GRIA1: variants seen among roughly 807,000 people sequenced by gnomAD.
GRIA1 encodes the protein glutamate ionotropic receptor AMPA type subunit 1, also known as glutamate receptor 1.
Under a neutral mutation model 99.2 loss-of-function variants are expected in GRIA1, and 31 were observed. That is an observed-to-expected ratio of 0.31 (90% confidence interval 0.23 to 0.42). The LOEUF (loss-of-function observed/expected upper bound fraction) is 0.42, where lower values mean the gene tolerates loss of function less well. Ranked by LOEUF, GRIA1 falls within the 10% of genes least tolerant of loss-of-function variation. GRIA1 has a pLI of 1.00. For missense variants in GRIA1, 782 were observed against 1,157.5 expected (o/e 0.68, Z 4.71); for synonymous variants, 438 against 432.4 (o/e 1.01, Z -0.16).
intron 2 of GRIA1, among the ~76,000 whole-genome samples, chr5:153,545,692 C>T (rs556455680): frequency 3.5e-4 from 54 of 152,196 alleles, no homozygotes; most frequent in African/African-American, 1.2e-3. Context: ...ATTTTGTGAG[C>T]CATACGGTCT....
intron 2 of GRIA1, among the ~76,000 whole-genome samples, chr5:153,645,875 G>C (rs957591849): frequency 6.6e-6 from 1 of 152,096 alleles, no homozygotes; most frequent in African/African-American, 2.4e-5. Flanking sequence ...TATGTAAAAG[G>C]ACCACAAAGC....
intron 2 of GRIA1, among the ~76,000 whole-genome samples, chr5:153,643,057 G>A (rs1187013168): frequency 3.3e-5 from 5 of 152,170 alleles, no homozygotes; most frequent in Non-Finnish European, 7.3e-5. Flanking sequence ...GCAGGCAGGA[G>A]GGGGACAGTG....
chr5:153,657,922 A>G (rs551277943), intron 5 of GRIA1, among the ~76,000 whole-genome samples: 1 of 152,340 alleles, frequency 6.6e-6, no homozygotes, highest in African/African-American at 2.4e-5. Flanking sequence ...ACCATTTGCA[A>G]AAATGGAATT....
intron 2 of GRIA1, among the ~76,000 whole-genome samples, chr5:153,512,879 G>A (rs754976350): frequency 6.6e-5 from 10 of 152,130 alleles, no homozygotes; most frequent in South Asian, 4.1e-4. Flanking sequence ...TTTAGCTGTC[G>A]TCATGAGGAT....
intron 11 of GRIA1, among the ~76,000 whole-genome samples, chr5:153,753,413 A>C (rs192425334): frequency 2.6e-5 from 4 of 152,308 alleles, no homozygotes; most frequent in Admixed American, 1.3e-4. Flanking sequence ...TGAGTTAAAG[A>C]AGTCCATGTC....
At chr5:153,696,104 T>G (rs4440419) in intron 8 of GRIA1, among the ~76,000 whole-genome samples, 70,880 of 151,968 alleles carry the variant, frequency 0.47, 16,746 homozygotes, top group South Asian at 0.55. Context: ...AGGGGGCACG[T>G]CCCTGGAGTT....
At chr5:153,648,382 T>C (rs903095324) in intron 3 of GRIA1, among the ~76,000 whole-genome samples, 1 of 152,104 alleles carries the variant, frequency 6.6e-6, no homozygotes. Context: ...CCTTTGCTTG[T>C]GGGAGATCAT....
At chr5:153,784,970 C>T (rs1268290481) in intron 13 of GRIA1, among the ~76,000 whole-genome samples, 1 of 152,086 alleles carries the variant, frequency 6.6e-6, no homozygotes, top group Non-Finnish European at 1.5e-5. Flanking sequence ...GGTCCCCACT[C>T]CCAGCAAAAG....
At position 153,698,754 on chromosome 5, in the gene GRIA1, T is replaced by G. The variant is rs1758300591; in HGVS notation, c.1246-113T>G. 3 of 710,630 alleles carry G rather than the reference T, an allele frequency of 4.2e-6. No homozygotes were observed. In the South Asian group the frequency reaches 4.8e-5, roughly 11 times the overall value. 44.0% of individuals were successfully genotyped at this position (710,630 alleles called of 1,614,324 possible). A position where few individuals can be genotyped will look rare whatever the true frequency, so the allele number is the denominator to read the frequency against. ...ACATTTAGGAAGTGAATTGAGGGGC[T>G]AGAGAGCCTTCCCCAGTGTTAACCA... On this transcript the variant is annotated intron_variant, in intron 9 of 15. Coordinates refer to ENST00000285900, the MANE Select transcript of GRIA1 (RefSeq NM_000827.4).
chr5:153,774,105 G>A, intron 13 of GRIA1, among the ~76,000 whole-genome samples: 1 of 101,884 alleles, frequency 9.8e-6, no homozygotes, highest in South Asian at 3.6e-4. Context: ...CTCCAGCCAA[G>A]TTTCCATTAT....
At chr5:153,765,791 T>C (rs1237191177) in intron 12 of GRIA1, among the ~76,000 whole-genome samples, 2 of 152,256 alleles carry the variant, frequency 1.3e-5, no homozygotes, top group African/African-American at 4.8e-5. Flanking sequence ...CCTACACAAA[T>C]TATCTCATTT....
At chr5:153,781,682 A>C (rs544096767) in intron 13 of GRIA1, among the ~76,000 whole-genome samples, 2 of 151,842 alleles carry the variant, frequency 1.3e-5, no homozygotes, top group African/African-American at 4.8e-5. Flanking sequence ...TAGTCCTACT[A>C]TATAGACCAC....
At chr5:153,716,470 C>T (rs567154211) in intron 11 of GRIA1, among the ~76,000 whole-genome samples, 51 of 151,822 alleles carry the variant, frequency 3.4e-4, no homozygotes, top group African/African-American at 1.1e-3. Context: ...TTTTAATGGG[C>T]CTTGCTTTGA....
chr5:153,571,973 T>G (rs1214914539), intron 2 of GRIA1, among the ~76,000 whole-genome samples: 1 of 152,178 alleles, frequency 6.6e-6, no homozygotes, highest in Non-Finnish European at 1.5e-5. Context: ...AGTGAGAAAC[T>G]AAGTCATATA....
At chr5:153,762,900 T>C (rs1388407031) in intron 11 of GRIA1, among the ~76,000 whole-genome samples, 1 of 152,226 alleles carries the variant, frequency 6.6e-6, no homozygotes, top group Non-Finnish European at 1.5e-5. Context: ...TTCTCCTAAA[T>C]CAGGTCACAT....
intron 2 of GRIA1, among the ~76,000 whole-genome samples, chr5:153,516,569 G>A (rs1455337427): frequency 1.3e-5 from 2 of 152,122 alleles, no homozygotes; most frequent in Admixed American, 6.5e-5. Flanking sequence ...ATGCCTTGTG[G>A]TGTGGCATTG....
rs1766100062 is a variant in GRIA1 at position 153,802,360 on chromosome 5, A to G, written c.2390A>G (p.Lys797Arg). ...CGSGGGDSKDKTSALSLSNVA... is the reference protein window; with the variant it reads ...CGSGGGDSKDRTSALSLSNVA... The stretch of plus-strand genomic sequence containing the variant: ...TTTCCCTCCTCCTCTTCTTAGGACA[A>G]GACAAGCGCTCTGAGCCTCAGCAAT... The change falls in exon 15 of 16, where the codon AAG (lysine) becomes AGG (arginine). Residue 797 changes from lysine to arginine, a missense_variant. This residue lies in a region of GRIA1 where 119 missense variants were observed against 326.6 expected (regional missense o/e 0.36). Coordinates refer to ENST00000285900, the MANE Select transcript of GRIA1 (RefSeq NM_000827.4). 1 of 1,613,814 alleles carries G rather than the reference A, an allele frequency of 6.2e-7. No homozygotes were observed. The highest frequency in any genetic ancestry group is 8.5e-7 in the Non-Finnish European group (1 of 1,179,860).
chr5:153,588,952 T>C (rs1041163330), intron 2 of GRIA1, among the ~76,000 whole-genome samples: 12 of 152,176 alleles, frequency 7.9e-5, no homozygotes, highest in African/African-American at 2.9e-4. Context: ...ATGCTTTTAA[T>C]AAACATTCCT....
In GRIA1 at chr5:153,705,882, C is replaced by G; in HGVS notation, c.1638C>G (p.Ala546=). 1 of 1,613,814 alleles carries G rather than the reference C, an allele frequency of 6.2e-7. No homozygotes were observed. The highest frequency in any genetic ancestry group is 8.5e-7 in the Non-Finnish European group (1 of 1,179,924). Residue 546 remains alanine (A), a synonymous_variant, in exon 11 of 16, where the codon GCC becomes GCG. Transcript: ENST00000285900. Reference sequence around the variant, plus strand: ...AGATTTGGATGTGCATTGTTTTTGCCTACATTGGAGTGAGTGTTGTCCTCT... The same window carrying G: ...AGATTTGGATGTGCATTGTTTTTGCGTACATTGGAGTGAGTGTTGTCCTCT... ...AYEIWMCIVF[A]YIGVSVVLFL...
Sources: gnomAD v4.1 joint callset for allele counts (sites outside exome capture counted in the v4.1 genomes callset) on GRCh38, gnomAD v4.1.1 for gene constraint, gnomAD v4.1.1 regional missense constraint, MANE v1.5 for transcripts, NCBI Gene and HGNC (gene_info 2026-07-23, HGNC 2026-07-21) for gene names.